SYTL4: variants seen among roughly 807,000 people sequenced by gnomAD.
The protein encoded by SYTL4 is synaptotagmin-like protein 4.
In SYTL4, 16 loss-of-function variants were observed where a neutral mutation model predicts 52.7. The ratio of observed to expected loss-of-function variants is 0.30; its 90% CI spans 0.21 to 0.46. SYTL4 has a LOEUF of 0.46. Ranked by LOEUF, SYTL4 falls within the 20% of genes least tolerant of loss-of-function variation. The pLI is 1.00. For synonymous variants in SYTL4, 160 were observed against 186.6 expected, an observed-to-expected ratio of 0.86 and a Z score of 1.16; for missense variants, 423 against 519.9, an observed-to-expected ratio of 0.81 and a Z score of 1.81.
intron 2 of SYTL4, among the ~76,000 whole-genome samples, chrX:100,727,987 G>A (rs749892474): frequency 9.0e-6 from 1 of 111,724 alleles, no homozygotes; most frequent in South Asian, 3.7e-4. Flanking sequence ...TGAGGCTGCA[G>A]CTTAGAAGAA....
chrX:100,725,906 C>T (rs1201619755), intron 2 of SYTL4, among the ~76,000 whole-genome samples: 2 of 111,238 alleles, frequency 1.8e-5, no homozygotes, highest in Non-Finnish European at 3.8e-5. Flanking sequence ...TATTCTGATG[C>T]CTGAATCGAT....
chrX:100,712,842 C>T (rs2084101293), intron 2 of SYTL4, among the ~76,000 whole-genome samples: 1 of 111,859 alleles, frequency 8.9e-6, no homozygotes, highest in Admixed American at 9.5e-5. Flanking sequence ...TATGAATAAA[C>T]ATATCACCAA....
chrX:100,698,927 T>C (rs1477951435), intron 8 of SYTL4, among the ~76,000 whole-genome samples: 1 of 112,060 alleles, frequency 8.9e-6, no homozygotes, highest in East Asian at 2.8e-4. Flanking sequence ...GAGTAACAAA[T>C]AGTGGGGATA....
chrX:100,686,766 G>A lies in SYTL4; in HGVS notation c.1200C>T (p.Tyr400=). ...CTTGGCGGGACTTGTCAGGCAGAAG[G>A]TAAGTCTTCACATATCTAGAAACCA... ...KKRSNPYVKT[Y]LLPDKSRQGK... Residue 400 remains tyrosine, a synonymous_variant, in exon 15 of 20, where the codon TAC becomes TAT. Coordinates refer to ENST00000372989, the MANE Select transcript of SYTL4 (RefSeq NM_001370165.1). The A allele has an allele frequency of 8.3e-7, 1 of 1,209,582 alleles. No homozygotes were observed. The highest frequency in any genetic ancestry group is 1.1e-6 in the Non-Finnish European group (1 of 893,632).
At chrX:100,716,157 A>G (rs1168016321) in intron 2 of SYTL4, among the ~76,000 whole-genome samples, 1 of 108,614 alleles carries the variant, frequency 9.2e-6, no homozygotes, top group Admixed American at 1.0e-4. Context: ...TAAAGGTAAA[A>G]GAGTTGATTT....
At chrX:100,726,272 TTG>T (rs1397770140) in intron 2 of SYTL4, among the ~76,000 whole-genome samples, 2 of 111,022 alleles carry the variant, frequency 1.8e-5, no homozygotes, top group Non-Finnish European at 3.8e-5. Flanking sequence ...TTGACAAAAA[TTG>T]TGTCTATTTA....
chrX:100,691,807 G>A (rs1263849089), intron 8 of SYTL4, among the ~76,000 whole-genome samples: 75 of 111,176 alleles, frequency 6.7e-4, no homozygotes, highest in Non-Finnish European at 1.7e-4. Flanking sequence ...CAAAGTGCTG[G>A]GATTACAGGC....
chrX:100,708,394 A>G (rs2084002633), intron 2 of SYTL4, among the ~76,000 whole-genome samples: 1 of 112,000 alleles, frequency 8.9e-6, no homozygotes, highest in African/African-American at 3.2e-5. Flanking sequence ...TAACAGATGA[A>G]AAATTAGTAA....
chrX:100,698,310 A>T (rs759086066), intron 8 of SYTL4, among the ~76,000 whole-genome samples: 1 of 110,839 alleles, frequency 9.0e-6, no homozygotes, highest in South Asian at 4.0e-4. Context: ...TCACCGTGTT[A>T]GCCAGGATGG....
rs376986877 is a variant in SYTL4, at chrX:100,690,614, G to T, written c.666C>A (p.Gly222=). ...ACATCTTCTTCCATTCTGGAAAGAG[G>T]CCAGATTTATCCAGAGAGTCTCTCC... The part of the protein sequence containing the change: ...TSRRDSLDKS[G]LFPEWKKMSA... The change falls in exon 10 of 20, where the codon GGC becomes GGA. Residue 222 remains glycine, a synonymous_variant. Coordinates refer to ENST00000372989, the MANE Select transcript of SYTL4 (RefSeq NM_001370165.1). The T allele has an allele frequency of 5.7e-5, 68 of 1,202,772 alleles. No individual in the cohort carries two copies. Among genetic ancestry groups the T allele is most frequent in the Non-Finnish European group, 7.4e-5 (66 of 890,259 alleles).
intron 2 of SYTL4, among the ~76,000 whole-genome samples, 169 bp downstream of exon 2, chrX:100,731,249 G>C (rs144164301): frequency 9.0e-6 from 1 of 111,323 alleles, no homozygotes; most frequent in Non-Finnish European, 1.9e-5. Flanking sequence ...GAAGCATTCT[G>C]TGCCCCTTCT....
chrX:100,677,095 T>C (rs1395944788), intron 19 of SYTL4, among the ~76,000 whole-genome samples: 1 of 111,972 alleles, frequency 8.9e-6, no homozygotes, highest in Non-Finnish European at 1.9e-5. Flanking sequence ...GGGTGATGTA[T>C]AGTGACTGAC....
intron 2 of SYTL4, among the ~76,000 whole-genome samples, chrX:100,726,955 G>A (rs2084531426): frequency 9.2e-6 from 1 of 108,803 alleles, no homozygotes; most frequent in African/African-American, 3.4e-5. Flanking sequence ...AGTCTCCATT[G>A]TCTATCATCC....
intron 9 of SYTL4, 126 bp from the exon 10 acceptor site, chrX:100,690,764 C>T: frequency 2.0e-6 from 1 of 492,746 alleles, no homozygotes; most frequent in Non-Finnish European, 3.3e-6. Context: ...TCAGAAGGTA[C>T]ACTTCGCATG....
chrX:100,694,134 C>G (rs764192445), intron 8 of SYTL4, among the ~76,000 whole-genome samples: 20 of 111,992 alleles, frequency 1.8e-4, no homozygotes, highest in South Asian at 7.6e-4. Flanking sequence ...TACTAACAAT[C>G]ACAGAACTTT....
intron 2 of SYTL4, among the ~76,000 whole-genome samples, chrX:100,728,600 G>T (rs1602955357): frequency 9.0e-6 from 1 of 111,694 alleles, no homozygotes; most frequent in African/African-American, 3.3e-5. Context: ...TTGATCTTGC[G>T]AGAAGCCTGA....
intron 2 of SYTL4, among the ~76,000 whole-genome samples, chrX:100,718,746 G>C (rs2084277286): frequency 9.0e-6 from 1 of 110,760 alleles, no homozygotes; most frequent in African/African-American, 3.3e-5. Flanking sequence ...TTTCAAAATA[G>C]ATTCTACAAA....
chrX:100,723,364 C>T (rs1297063043), intron 2 of SYTL4, among the ~76,000 whole-genome samples: 2 of 112,399 alleles, frequency 1.8e-5, no homozygotes, highest in Non-Finnish European at 3.8e-5. Context: ...ACGAGTGATC[C>T]GCCAGCCTTG....
chrX:100,697,232 A>T lies in SYTL4; in HGVS notation c.539+3665T>A, dbSNP rs143324995. 2.4e-3 allele frequency among the ~76,000 whole-genome samples: 266 copies of T among 112,052 alleles called. 3 individuals carry two copies. Among genetic ancestry groups the T allele is most frequent in the African/African-American group, 8.4e-3 (259 of 30,883 alleles). On this transcript the variant is annotated intron_variant, in intron 8 of 19. Coordinates refer to ENST00000372989, the MANE Select transcript of SYTL4 (RefSeq NM_001370165.1). ...GGACAGGTAAGCCCTGAACCAGGAC[A>T]TTTAAGAGAATTTCATGAGACCAAA... is the stretch of plus-strand genomic sequence containing the variant.
Sources: gnomAD v4.1 joint callset for allele counts (sites outside exome capture counted in the v4.1 genomes callset) on GRCh38, gnomAD v4.1.1 for gene constraint, MANE v1.5 for transcripts, NCBI Gene and HGNC (gene_info 2026-07-23, HGNC 2026-07-21) for gene names.